ABL1: variants seen among roughly 807,000 people sequenced by gnomAD.
ABL1 encodes the protein ABL proto-oncogene 1, non-receptor tyrosine kinase, also known as tyrosine-protein kinase ABL1.
ABL1 carries 11 observed loss-of-function variants against 94.7 expected under a neutral mutation model. The observed-to-expected ratio is 0.12, with a 90% CI of 0.07 to 0.19. The LOEUF (loss-of-function observed/expected upper bound fraction) is 0.19. Among genes scored for constraint, ABL1 ranks in the 10% least tolerant of loss-of-function variants. ABL1 has a pLI of 1.00. For missense variants in ABL1, 1,082 were observed against 1,489.4 expected, an observed-to-expected ratio of 0.73 and a Z score of 4.50; for synonymous variants, 656 against 622.4, an observed-to-expected ratio of 1.05 and a Z score of -0.80.
At chr9:130,854,307 C>T in intron 2 of ABL1, 70 bp downstream of exon 2, 2 of 1,541,110 alleles carry the variant, frequency 1.3e-6, no homozygotes, top group Admixed American at 1.9e-5. Context: ...TTTGACCTAC[C>T]ACCCTTTGCT....
At chr9:130,780,570 G>A (rs933492314) in intron 1 of ABL1, among the ~76,000 whole-genome samples, 7 of 152,116 alleles carry the variant, frequency 4.6e-5, no homozygotes, top group Admixed American at 6.6e-5. Flanking sequence ...ATTTCTAGGC[G>A]AATTGTCCCC....
chr9:130,830,881 C>T (rs1356337143), upstream of ABL1, among the ~76,000 whole-genome samples: 2 of 152,164 alleles, frequency 1.3e-5, no homozygotes, highest in Admixed American at 6.5e-5. Context: ...ATCTGAGACT[C>T]AGCGCTAGCC....
Position 130,748,700 on chromosome 9 carries a change from C to G in ABL1, c.136+34245C>G, listed in dbSNP as rs372345014. Among the ~76,000 whole-genome samples, 12 of 152,234 alleles carry G rather than the reference C, an allele frequency of 7.9e-5. No homozygotes were observed. In the East Asian group the frequency reaches 1.9e-3, roughly 25 times the overall value. Reference sequence around the variant, plus strand: ...AAGCAGTTCTTCTACCTCAGCCTCCCAAGTAGCTGGGATTACAGGCATGCG... The same window carrying G: ...AAGCAGTTCTTCTACCTCAGCCTCCGAAGTAGCTGGGATTACAGGCATGCG... On this transcript the variant is annotated intron_variant, in intron 1 of 10. Transcript: ENST00000372348.
intron 1 of ABL1, among the ~76,000 whole-genome samples, chr9:130,723,837 A>C (rs1043141014): frequency 2.0e-5 from 3 of 151,060 alleles, no homozygotes; most frequent in African/African-American, 4.9e-5. Context: ...TTTGAGATGG[A>C]GTCTCGCTCT....
chr9:130,826,359 G>A (rs1234712971), intron 1 of ABL1, among the ~76,000 whole-genome samples: 2 of 151,996 alleles, frequency 1.3e-5, no homozygotes, highest in African/African-American at 4.8e-5. Context: ...GAGCTCAAAC[G>A]ATCTACCTGC....
At chr9:130,874,788 C>A in intron 6 of ABL1, 80 bp from the exon 7 acceptor site, 1 of 1,435,114 alleles carries the variant, frequency 7.0e-7, no homozygotes, top group Non-Finnish European at 9.7e-7. Flanking sequence ...GTCAGCATTG[C>A]ACCTTTGCTC....
rs35900923 is a variant in ABL1 at position 130,885,260 on chromosome 9, G to A, written c.2970G>A (p.Ser990=). The A allele has an allele frequency of 2.6e-4, 412 of 1,613,802 alleles. 1 individual carries two copies. In the African/African-American group the frequency reaches 3.5e-3, roughly 14 times the overall value. Residue 990 remains serine, a synonymous_variant, in exon 11 of 11, where the codon TCG becomes TCA. Coordinates refer to ENST00000318560, the MANE Select transcript of ABL1 (RefSeq NM_005157.6). ...CCTCCACGTTGCCATCAGCATCCTCGGCCCTGGCAGGGGACCAGCCGTCTT... is the reference window on the plus strand; with the variant it reads ...CCTCCACGTTGCCATCAGCATCCTCAGCCCTGGCAGGGGACCAGCCGTCTT... ...PVPSTLPSAS[S]ALAGDQPSST...
At chr9:130,878,065 G>A (rs376755332) in intron 7 of ABL1, among the ~76,000 whole-genome samples, 96 of 152,104 alleles carry the variant, frequency 6.3e-4, no homozygotes, top group African/African-American at 2.2e-3. Context: ...CGCCCGCCTC[G>A]GCCTCCCAAA....
At chr9:130,761,128 T>C (rs999490550) in intron 1 of ABL1, among the ~76,000 whole-genome samples, 4 of 151,964 alleles carry the variant, frequency 2.6e-5, no homozygotes, top group Admixed American at 2.0e-4. Flanking sequence ...TATTTTGTTT[T>C]CGGTATGTTT....
intron 1 of ABL1, among the ~76,000 whole-genome samples, chr9:130,735,801 G>T (rs1831727520): frequency 6.6e-6 from 1 of 151,432 alleles, no homozygotes; most frequent in Non-Finnish European, 1.5e-5. Context: ...AAAAGTCGGG[G>T]CACTGGGTTT....
At chr9:130,776,994 T>C (rs967257934) in intron 1 of ABL1, among the ~76,000 whole-genome samples, 10 of 152,326 alleles carry the variant, frequency 6.6e-5, no homozygotes, top group Admixed American at 5.9e-4. Flanking sequence ...TATTTTCTAT[T>C]AATTTTTTAT....
At chr9:130,842,429 C>T (rs1830689906) in intron 1 of ABL1, among the ~76,000 whole-genome samples, 1 of 152,198 alleles carries the variant, frequency 6.6e-6, no homozygotes, top group Admixed American at 6.5e-5. Flanking sequence ...CTTTATCTGT[C>T]TTACAAGCCC....
intron 1 of ABL1, among the ~76,000 whole-genome samples, chr9:130,742,627 T>G (rs1301276111): frequency 6.6e-6 from 1 of 152,200 alleles, no homozygotes; most frequent in African/African-American, 2.4e-5. Context: ...TAAAGAGCCT[T>G]TATTCTAAAG....
Position 130,885,712 on chromosome 9 carries a change from G to T in ABL1, c.*29G>T, listed in dbSNP as rs747525923. Reference sequence around the variant, plus strand: ...CAGTCAGGGGTCAGGTGTCAGGCCCGTCGGAGCTGCCTGCAGCACATGCGG... The same window carrying T: ...CAGTCAGGGGTCAGGTGTCAGGCCCTTCGGAGCTGCCTGCAGCACATGCGG... On this transcript the variant is annotated 3_prime_UTR_variant, in exon 11 of 11. Transcript: ENST00000318560. The T allele has an allele frequency of 1.3e-6, 2 of 1,587,652 alleles. No homozygotes were observed. The highest frequency in any genetic ancestry group is 1.7e-6 in the Non-Finnish European group (2 of 1,166,158).
intron 1 of ABL1, among the ~76,000 whole-genome samples, chr9:130,838,433 A>G (rs765731745): frequency 2.6e-5 from 4 of 152,206 alleles, no homozygotes; most frequent in Admixed American, 6.5e-5. Context: ...TTAAATGTAT[A>G]TAAAAATACT....
chr9:130,750,644 C>CTTTTTTT lies in ABL1; in HGVS notation c.136+36203_136+36209dup, dbSNP rs71389345. ...TTCTTTTTCTTTTTTCTTTTTCTTT[C>CTTTTTTT]TTTTTTTTTTTTTTTTTTTTGAGAC... On this transcript the variant is annotated intron_variant, in intron 1 of 10. Coordinates refer to the ABL1 transcript ENST00000372348. Among the ~76,000 whole-genome samples the CTTTTTTT allele has an allele frequency of 4.7e-3, 411 of 87,278 alleles. 7 individuals are homozygous for CTTTTTTT. Among genetic ancestry groups the CTTTTTTT allele is most frequent in the African/African-American group, 9.3e-3 (191 of 20,526 alleles). 57.3% of individuals were successfully genotyped at this position (87,278 alleles called of 152,430 possible).
At chr9:130,758,775 G>A (rs553612106) in intron 1 of ABL1, among the ~76,000 whole-genome samples, 1 of 152,218 alleles carries the variant, frequency 6.6e-6, no homozygotes, top group African/African-American at 2.4e-5. Context: ...GAGATGTGCA[G>A]TTGGGTGTTG....
At chr9:130,713,975 AC>A (rs1831404544) in exon 1 of ABL1, 1 of 254,114 alleles carries the variant, frequency 3.9e-6, no homozygotes, top group Non-Finnish European at 7.6e-6. Flanking sequence ...AGCATTATTG[AC>A]CCTTTTCAGC....
chr9:130,723,642 A>C (rs1415836825), intron 1 of ABL1, among the ~76,000 whole-genome samples: 1 of 151,992 alleles, frequency 6.6e-6, no homozygotes, highest in Non-Finnish European at 1.5e-5. Flanking sequence ...CATATTTTAC[A>C]TCTCTGGTCC....
Sources: allele counts gnomAD v4.1 joint callset (sites outside exome capture counted in the v4.1 genomes callset), GRCh38; gene constraint gnomAD v4.1.1; transcripts MANE v1.5; gene names NCBI Gene and HGNC (gene_info 2026-07-23, HGNC 2026-07-21).